Variants in PTPRN2 observed in about 807,000 individuals in gnomAD.
The protein encoded by PTPRN2 is receptor-type tyrosine-protein phosphatase N2.
PTPRN2 carries 74 observed loss-of-function variants against 118.8 expected under a neutral mutation model. That is an observed-to-expected ratio of 0.62 (90% confidence interval 0.52 to 0.76). The LOEUF is 0.76. Among genes scored for constraint, PTPRN2 ranks in the 30% least tolerant of loss-of-function variants. The pLI, the probability that PTPRN2 is intolerant of heterozygous loss-of-function variation, is 0.00. For missense variants in PTPRN2, 1,481 were observed against 1,394.4 expected (o/e 1.06, Z -0.99); for synonymous variants, 641 against 608.0 (o/e 1.05, Z -0.80).
chr7:158,332,831 A>C (rs1804771433), intron 2 of PTPRN2, among the ~76,000 whole-genome samples: 1 of 144,470 alleles, frequency 6.9e-6, no homozygotes, highest in Admixed American at 6.7e-5. Flanking sequence ...TTCTCACCAT[A>C]AGAGGTGACA....
chr7:157,765,895 TCCAC>T (rs1176012462), intron 12 of PTPRN2, among the ~76,000 whole-genome samples: 2 of 134,300 alleles, frequency 1.5e-5, no homozygotes, highest in East Asian at 2.4e-4. Flanking sequence ...CATCCATCCA[TCCAC>T]CCACCCATCC....
Position 157,648,589 on chromosome 7 carries a change from C to G in PTPRN2, c.2196+7768G>C, listed in dbSNP as rs1209020312. Among the ~76,000 whole-genome samples the G allele has an allele frequency of 2.3e-5, 3 of 132,666 alleles. 1 individual carries two copies. Among genetic ancestry groups the G allele is most frequent in the Non-Finnish European group, 4.8e-5 (3 of 62,568 alleles). The allele number at this position is 132,666 out of a possible 152,430, so 87.0% of individuals were successfully genotyped here. A position where few individuals can be genotyped will look rare whatever the true frequency, so the allele number is the denominator to read the frequency against. ...TCAGACCCATCCAGCATGCACTGAA[C>G]TCGGTGGGTCGGACCCATCCAGCGT... On this transcript the variant is annotated intron_variant, in intron 14 of 22. Transcript: ENST00000389418.
At chr7:158,429,190 C>T (rs1815979543) in intron 2 of PTPRN2, among the ~76,000 whole-genome samples, 1 of 152,218 alleles carries the variant, frequency 6.6e-6, no homozygotes, top group Non-Finnish European at 1.5e-5. Context: ...GGCTGTCACC[C>T]AGTCGAGAGG....
rs1004871674 is a variant in PTPRN2 at position 157,952,104 on chromosome 7, C to T, written c.1724-53367G>A. ...GTTTCTGCACACCCTGCGGGGAGGCCAGGCTCACCCAAGAAAAGAGTCAAG... is the reference window on the plus strand; with the variant it reads ...GTTTCTGCACACCCTGCGGGGAGGCTAGGCTCACCCAAGAAAAGAGTCAAG... On this transcript the variant is annotated intron_variant, in intron 11 of 22. Transcript: ENST00000389418. Among the ~76,000 whole-genome samples the T allele has an allele frequency of 2.6e-5, 4 of 152,206 alleles. No homozygotes were observed. The East Asian group carries it at 7.7e-4, about 29-fold the overall frequency.
intron 12 of PTPRN2, among the ~76,000 whole-genome samples, chr7:157,743,271 G>A (rs1800738452): frequency 6.6e-6 from 1 of 152,178 alleles, no homozygotes; most frequent in Non-Finnish European, 1.5e-5. Flanking sequence ...GGGTTCGAAT[G>A]TCAGCCGCCT....
intron 5 of PTPRN2, among the ~76,000 whole-genome samples, chr7:158,180,534 C>G (rs1824610503): frequency 6.6e-6 from 1 of 152,098 alleles, no homozygotes; most frequent in Admixed American, 6.6e-5. Context: ...TTGCTTTGGG[C>G]AGTGTGGGCA....
chr7:158,054,064 AGATGGAGAGACCCCAGT>A (rs1201622387), intron 11 of PTPRN2, among the ~76,000 whole-genome samples: 5 of 151,548 alleles, frequency 3.3e-5, no homozygotes, highest in Admixed American at 2.0e-4. Flanking sequence ...GAGATCCTAG[AGATGGAGAGACCCCAGT>A]GATGCAGAGA....
intron 12 of PTPRN2, among the ~76,000 whole-genome samples, chr7:157,788,668 G>A (rs927762284): frequency 6.6e-6 from 1 of 152,236 alleles, no homozygotes; most frequent in African/African-American, 2.4e-5. Flanking sequence ...GGCTATGCGG[G>A]GAAGATGTGT....
rs1331608907 is a variant in PTPRN2 at position 157,978,867 on chromosome 7, A to C, written c.1724-80130T>G. Among the ~76,000 whole-genome samples the C allele has an allele frequency of 2.6e-5, 4 of 152,022 alleles. No homozygotes were observed. In the South Asian group the frequency reaches 6.2e-4, roughly 24 times the overall value. ...GGGGCTGACAGACGAGACCCCAGGAAGCATAGCGCCATGATGGGAGAAAGA... is the reference window on the plus strand; with the variant it reads ...GGGGCTGACAGACGAGACCCCAGGACGCATAGCGCCATGATGGGAGAAAGA... On this transcript the variant is annotated intron_variant, in intron 11 of 22. Coordinates refer to ENST00000389418, the MANE Select transcript of PTPRN2 (RefSeq NM_002847.5).
At chr7:158,489,695 G>A (rs1309611577) in intron 2 of PTPRN2, 40 bp downstream of exon 2, 13 of 1,546,884 alleles carry the variant, frequency 8.4e-6, no homozygotes, top group Non-Finnish European at 1.1e-5. Context: ...GGGCAGGAGA[G>A]GGGCAGACCA....
At chr7:158,569,934 G>A (rs369794895) in intron 1 of PTPRN2, among the ~76,000 whole-genome samples, 1 of 152,054 alleles carries the variant, frequency 6.6e-6, no homozygotes, top group Non-Finnish European at 1.5e-5. Flanking sequence ...GCGGGGCGGC[G>A]CCCTCCCGGC....
intron 12 of PTPRN2, among the ~76,000 whole-genome samples, chr7:157,860,611 T>G (rs1418760499): frequency 2.0e-5 from 3 of 152,264 alleles, no homozygotes; most frequent in African/African-American, 4.8e-5. Context: ...TACCACTCCA[T>G]GCAAATCTCA....
chr7:158,234,281 A>C (rs1193800158), intron 3 of PTPRN2, among the ~76,000 whole-genome samples: 3 of 149,614 alleles, frequency 2.0e-5, no homozygotes, highest in South Asian at 4.2e-4. Flanking sequence ...CAAAAAAAAA[A>C]CAAACCTCTA....
chr7:158,368,081 A>C (rs1809669686), intron 2 of PTPRN2, among the ~76,000 whole-genome samples: 3 of 152,342 alleles, frequency 2.0e-5, no homozygotes, highest in African/African-American at 7.2e-5. Context: ...ATTTTAATAC[A>C]AACCTTATTG....
chr7:157,858,052 T>TCCTGCAGGGAGAACCCCGTC (rs1809865499), intron 12 of PTPRN2, among the ~76,000 whole-genome samples: 3 of 138,040 alleles, frequency 2.2e-5, no homozygotes, highest in Non-Finnish European at 3.2e-5. Flanking sequence ...GCCCCCCAGC[T>TCCTGCAGGGAGAACCCCGTC]ACCACCCACA....
chr7:158,202,041 C>A (rs1174818357), intron 4 of PTPRN2, among the ~76,000 whole-genome samples: 1 of 152,176 alleles, frequency 6.6e-6, no homozygotes, highest in African/African-American at 2.4e-5. Context: ...GCATCCACTA[C>A]ACTGCATTTA....
chr7:158,439,590 G>T (rs188157618), intron 2 of PTPRN2, among the ~76,000 whole-genome samples: 9 of 152,262 alleles, frequency 5.9e-5, no homozygotes, highest in Non-Finnish European at 1.3e-4. Flanking sequence ...TTATCATTTG[G>T]TCCTTTACAG....
intron 5 of PTPRN2, among the ~76,000 whole-genome samples, chr7:158,183,777 TCA>T (rs1313101245): frequency 6.6e-6 from 1 of 152,230 alleles, no homozygotes. Context: ...TTTGCTTGGC[TCA>T]CAGTGTAGGC....
chr7:158,341,308 A>C (rs1477965335), intron 2 of PTPRN2, among the ~76,000 whole-genome samples: 14 of 151,060 alleles, frequency 9.3e-5, no homozygotes, highest in Non-Finnish European at 1.9e-4. Context: ...CATAGACGTC[A>C]CTCACACCCA....
Sources: gnomAD v4.1 joint callset for allele counts (sites outside exome capture counted in the v4.1 genomes callset) on GRCh38, gnomAD v4.1.1 for gene constraint, MANE v1.5 for transcripts, NCBI Gene and HGNC (gene_info 2026-07-23, HGNC 2026-07-21) for gene names.